Variants in WDR45 observed in about 807,000 individuals in gnomAD.
WDR45 encodes the protein WD repeat domain 45.
WDR45 carries 2 observed loss-of-function variants against 27.3 expected under a neutral mutation model. The observed-to-expected ratio is 0.07, with a 90% CI of 0.03 to 0.23. The LOEUF is 0.23. Among genes scored for constraint, WDR45 ranks in the 10% least tolerant of loss-of-function variants. The probability of loss-of-function intolerance (pLI) is 1.00; values close to 1 mark genes in which losing one functional copy is unlikely to be tolerated. For missense variants in WDR45, 175 were observed against 311.9 expected (o/e 0.56, Z 3.31); for synonymous variants, 99 against 119.2 (o/e 0.83, Z 1.11).
chrX:49,081,119 T>A (rs2065065132), upstream of WDR45, among the ~76,000 whole-genome samples: 1 of 108,714 alleles, frequency 9.2e-6, no homozygotes, highest in Non-Finnish European at 1.9e-5. Flanking sequence ...TTGATCAGTC[T>A]GGTCTTGAAC....
exon 2 of WDR45, chrX:49,100,205 A>G (rs2065140651): frequency 9.1e-6 from 1 of 110,040 alleles, no homozygotes; most frequent in Non-Finnish European, 1.9e-5. Context: ...TTCAACTTAC[A>G]TATATATAAA....
chrX:49,088,627 T>G (rs2065094318), intron 2 of WDR45, among the ~76,000 whole-genome samples: 1 of 112,363 alleles, frequency 8.9e-6, no homozygotes, highest in Admixed American at 9.6e-5. Context: ...AACCGTTATC[T>G]GGTCAGTAAG....
chrX:49,080,140 C>G (rs1199052100), upstream of WDR45: 1 of 112,630 alleles, frequency 8.9e-6, no homozygotes, highest in African/African-American at 3.2e-5. Flanking sequence ...TGCCTTGCCC[C>G]CAGCAAAGCG....
chrX:49,089,161 G>A (rs1450859944), intron 2 of WDR45, among the ~76,000 whole-genome samples: 5 of 110,694 alleles, frequency 4.5e-5, no homozygotes, highest in African/African-American at 1.3e-4. Context: ...GGTGGCGCAC[G>A]CCTGTAATCC....
At chrX:49,081,485 G>A (rs1159576747), upstream of WDR45, among the ~76,000 whole-genome samples, 2 of 100,342 alleles carry the variant, frequency 2.0e-5, no homozygotes, top group East Asian at 3.3e-4. Flanking sequence ...AGCAGAGATC[G>A]CACCACTGCA....
chrX:49,075,022 T>C (rs1345988145), intron 10 of WDR45, 110 bp from the exon 11 acceptor site: 1 of 1,138,051 alleles, frequency 8.8e-7, no homozygotes, highest in Non-Finnish European at 1.2e-6. Flanking sequence ...CCCAGTGCTG[T>C]CCCCCTTACT....
chrX:49,101,004 C>G (rs2065143906), intron 1 of WDR45: 1 of 112,731 alleles, frequency 8.9e-6, no homozygotes. Context: ...GAGGTGGAAG[C>G]GCCCAGCGCA....
intron 1 of WDR45, among the ~76,000 whole-genome samples, chrX:49,078,580 A>G (rs782020900): frequency 1.8e-5 from 2 of 111,959 alleles, no homozygotes; most frequent in South Asian, 7.5e-4. Context: ...AGCTCCCAAG[A>G]TCCCAAACAA....
upstream of WDR45, among the ~76,000 whole-genome samples, chrX:49,084,603 C>T (rs1358365844): frequency 2.9e-5 from 3 of 104,514 alleles, no homozygotes; most frequent in Non-Finnish European, 5.9e-5. Context: ...ACCAACTTTG[C>T]CCCCCACAAA....
intron 2 of WDR45, among the ~76,000 whole-genome samples, chrX:49,088,438 G>A (rs2065093776): frequency 9.0e-6 from 1 of 111,140 alleles, no homozygotes; most frequent in Admixed American, 9.7e-5. Context: ...GAACCAAGAA[G>A]GCCTTAAGCT....
At chrX:49,075,332 G>C (rs1602537642) in intron 9 of WDR45, 32 bp downstream of exon 9, 2 of 1,208,412 alleles carry the variant, frequency 1.7e-6, no homozygotes, top group East Asian at 3.0e-5. Flanking sequence ...CAGGGGGACA[G>C]GGACACGGTA....
intron 2 of WDR45, among the ~76,000 whole-genome samples, chrX:49,099,911 G>C (rs1297442097): frequency 9.1e-6 from 1 of 110,412 alleles, no homozygotes; most frequent in African/African-American, 3.3e-5. Flanking sequence ...CTGATATCAA[G>C]GTTGGCTGTT....
intron 4 of WDR45, chrX:49,077,005 A>C (rs1177308494): frequency 8.2e-6 from 3 of 365,679 alleles, no homozygotes; most frequent in African/African-American, 5.2e-5. Context: ...AAGGACCTCA[A>C]AGCTCATCAG....
chrX:49,084,608 C>A (rs1416402399), upstream of WDR45, among the ~76,000 whole-genome samples: 1 of 102,050 alleles, frequency 9.8e-6, no homozygotes, highest in Admixed American at 1.1e-4. Flanking sequence ...CTTTGCCCCC[C>A]ACAAAAAAAC....
intron 2 of WDR45, among the ~76,000 whole-genome samples, chrX:49,095,696 A>G (rs1161721083): frequency 3.9e-5 from 4 of 101,443 alleles, no homozygotes; most frequent in South Asian, 9.6e-4. Context: ...TCCTGACCTC[A>G]TGATCCGCCC....
intron 2 of WDR45, among the ~76,000 whole-genome samples, chrX:49,098,298 C>T (rs781939228): frequency 9.2e-6 from 1 of 108,124 alleles, no homozygotes; most frequent in South Asian, 4.1e-4. Context: ...AGTTTGAGAC[C>T]AGCCTGACCA....
chrX:49,077,516 G>A (rs782541529), intron 4 of WDR45, 127 bp downstream of exon 4: 4 of 593,523 alleles, frequency 6.7e-6, no homozygotes, highest in Non-Finnish European at 1.1e-5. Flanking sequence ...TGACTTCCAA[G>A]CTGTAGGCCT....
intron 2 of WDR45, among the ~76,000 whole-genome samples, chrX:49,093,357 A>G (rs2065113877): frequency 9.0e-6 from 1 of 110,582 alleles, no homozygotes; most frequent in African/African-American, 3.3e-5. Flanking sequence ...ACCTCAGCTC[A>G]CTGCAACCTC....
chrX:49,078,999 C>G (rs1317849390), intron 1 of WDR45: 4 of 111,747 alleles, frequency 3.6e-5, no homozygotes, highest in African/African-American at 9.8e-5. Context: ...ACCTTTCCCC[C>G]TCAACCGGCT....
Sources: allele counts gnomAD v4.1 joint callset (sites outside exome capture counted in the v4.1 genomes callset), GRCh38; gene constraint gnomAD v4.1.1; transcripts MANE v1.5; gene names NCBI Gene and HGNC (gene_info 2026-07-23, HGNC 2026-07-21).